VAV1: variants seen among roughly 807,000 people sequenced by gnomAD.
VAV1 encodes vav guanine nucleotide exchange factor 1.
VAV1 carries 33 observed loss-of-function variants against 128.1 expected under a neutral mutation model. That is an observed-to-expected ratio of 0.26 (90% CI 0.20 to 0.34). VAV1 has a LOEUF of 0.34. Ranked by LOEUF, VAV1 falls within the 10% of genes least tolerant of loss-of-function variation. VAV1 has a pLI of 1.00. For synonymous variants in VAV1, 394 were observed against 409.8 expected, an observed-to-expected ratio of 0.96 and a Z score of 0.47; for missense variants, 715 against 1,093.7, an observed-to-expected ratio of 0.65 and a Z score of 4.88.
chr19:6,826,358 A>G lies in VAV1; in HGVS notation c.828-254A>G, dbSNP rs1005023224. Among the ~76,000 whole-genome samples, 1 of 152,206 alleles carries G rather than the reference A, an allele frequency of 6.6e-6. No individual in the cohort carries two copies. Among genetic ancestry groups the G allele is most frequent in the Non-Finnish European group, 1.5e-5 (1 of 68,044 alleles). ...CGTCTCAAAAATAAATAAATTAATTAAATTAAATAAAAATAAATAAACATT... is the reference window on the plus strand; with the variant it reads ...CGTCTCAAAAATAAATAAATTAATTGAATTAAATAAAAATAAATAAACATT... On this transcript the variant is annotated intron_variant, in intron 8 of 26. Coordinates refer to ENST00000602142, the MANE Select transcript of VAV1 (RefSeq NM_005428.4). This position sits in a 1 kb window ranked among gnomAD's most constrained non-coding sequence, Gnocchi z 4.1.
At chr19:6,834,005 T>C in intron 19 of VAV1, 52 bp downstream of exon 19, 1 of 1,611,858 alleles carries the variant, frequency 6.2e-7, no homozygotes, top group Non-Finnish European at 8.5e-7. Context: ...TCATCTCTAT[T>C]GATGTTGACC....
In VAV1 at chr19:6,821,692, C is replaced by G; in HGVS notation, c.380+12C>G. ...AACAGGGGGATCATGTGAGTAACCACCTGGGCCTTGGGCCATTTAGCCCCA... is the reference window on the plus strand; with the variant it reads ...AACAGGGGGATCATGTGAGTAACCAGCTGGGCCTTGGGCCATTTAGCCCCA... On this transcript the variant is annotated intron_variant, in intron 3 of 26. Transcript: ENST00000602142. The G allele has an allele frequency of 6.2e-7, 1 of 1,614,206 alleles. No homozygotes were observed. The highest frequency in any genetic ancestry group is 8.5e-7 in the Non-Finnish European group (1 of 1,180,024).
intron 1 of VAV1, among the ~76,000 whole-genome samples, chr19:6,802,372 C>T (rs1971294905): frequency 6.6e-6 from 1 of 152,042 alleles, no homozygotes; most frequent in Non-Finnish European, 1.5e-5. Flanking sequence ...AAAGGACCTC[C>T]TGTCCTTTGC....
intron 2 of VAV1, among the ~76,000 whole-genome samples, chr19:6,821,398 T>TA (rs942629843): frequency 4.6e-5 from 7 of 151,478 alleles, no homozygotes; most frequent in African/African-American, 1.5e-4. Flanking sequence ...GAGACTCCGT[T>TA]AAAAAAAATA....
chr19:6,836,594 TG>T (rs995731488), intron 20 of VAV1, 26 bp downstream of exon 20: 1 of 1,612,950 alleles, frequency 6.2e-7, no homozygotes, highest in African/African-American at 1.3e-5. Flanking sequence ...ACAAGAGTGA[TG>T]GGGTGGGACC....
chr19:6,834,135 A>G (rs921183412), intron 19 of VAV1, among the ~76,000 whole-genome samples, 182 bp downstream of exon 19: 1 of 150,374 alleles, frequency 6.7e-6, no homozygotes, highest in Non-Finnish European at 1.5e-5. Flanking sequence ...TCAGGTGCAC[A>G]CCACCACGCC....
At chr19:6,852,156 G>A (rs751251885) in intron 24 of VAV1, among the ~76,000 whole-genome samples, 2 of 152,124 alleles carry the variant, frequency 1.3e-5, no homozygotes, top group Non-Finnish European at 2.9e-5. Context: ...TGAGACTACA[G>A]GCATGCACTG....
At chr19:6,852,919 G>T in intron 24 of VAV1, 46 bp from the exon 25 acceptor site, 1 of 1,533,290 alleles carries the variant, frequency 6.5e-7, no homozygotes, top group Non-Finnish European at 9.0e-7. Context: ...GCCCCCTTAT[G>T]GGCTGGCCCG....
chr19:6,822,836 TATAA>T lies in VAV1; in HGVS notation c.654+326_654+329del, dbSNP rs1169066402. 3.4e-5 allele frequency among the ~76,000 whole-genome samples: 5 copies of T among 146,846 alleles called. No homozygotes were observed. The highest frequency in any genetic ancestry group is 1.2e-4 in the African/African-American group (5 of 40,556). On this transcript the variant is annotated intron_variant, in intron 6 of 26. Coordinates refer to ENST00000602142, the MANE Select transcript of VAV1 (RefSeq NM_005428.4). This position sits in a 1 kb window ranked among gnomAD's most constrained non-coding sequence, Gnocchi z 5.9. Reference sequence around the variant, plus strand: ...TAAACATATACATAAATAGAAAATATATAAATATATACAAAGTATATATAAAAAT... The same window carrying T: ...TAAACATATACATAAATAGAAAATATATATATACAAAGTATATATAAAAAT...
intron 1 of VAV1, among the ~76,000 whole-genome samples, chr19:6,798,533 G>C (rs1337893169): frequency 6.6e-6 from 1 of 152,044 alleles, no homozygotes; most frequent in Non-Finnish European, 1.5e-5. Flanking sequence ...TGTGCCTGTA[G>C]TCCCAGCTAC....
chr19:6,825,202 G>C lies in VAV1; in HGVS notation c.723+81G>C, dbSNP rs1267984347. 23 of 1,579,188 alleles carry C rather than the reference G, an allele frequency of 1.5e-5. No individual in the cohort carries two copies. The East Asian group carries it at 5.2e-4, about 35-fold the overall frequency. The stretch of plus-strand genomic sequence containing the variant: ...CCCCTACCTCTCCCTGGAGTACGGG[G>C]GTTGGGAGTTGAGCGGCATGGGGCG... On this transcript the variant is annotated intron_variant, in intron 7 of 26. Coordinates refer to ENST00000602142, the MANE Select transcript of VAV1 (RefSeq NM_005428.4).
At chr19:6,850,874 A>G (rs1367933424) in intron 24 of VAV1, 117 bp downstream of exon 24, 22 of 878,998 alleles carry the variant, frequency 2.5e-5, no homozygotes, top group Non-Finnish European at 3.7e-5. Context: ...CAGTGGCACT[A>G]CAGTGCAAGT....
intron 1 of VAV1, among the ~76,000 whole-genome samples, chr19:6,804,754 T>C (rs929774570): frequency 2.7e-5 from 4 of 148,980 alleles, no homozygotes; most frequent in Admixed American, 2.0e-4. Flanking sequence ...GACGGAGTCT[T>C]GCTCTGTCGC....
intron 1 of VAV1, among the ~76,000 whole-genome samples, chr19:6,806,278 G>A (rs780486477): frequency 1.2e-4 from 19 of 152,104 alleles, no homozygotes; most frequent in Admixed American, 7.9e-4. Flanking sequence ...GTAGAAACGG[G>A]GTTTCACCAT....
intron 1 of VAV1, among the ~76,000 whole-genome samples, chr19:6,801,760 C>T (rs1480414424): frequency 6.6e-6 from 1 of 152,162 alleles, no homozygotes. Context: ...TTCTCCCAGA[C>T]CCCAGAGGCC....
Position 6,828,433 on chromosome 19 carries a change from C to T in VAV1, c.1038C>T (p.His346=). ...YHLLLQELVK[H]TQEAMEKENL... Reference sequence around the variant, plus strand: ...GGTTCTCTCAGGAGCTGGTGAAACACACGCAGGAGGCGATGGAGAAGGAGA... The same window carrying T: ...GGTTCTCTCAGGAGCTGGTGAAACATACGCAGGAGGCGATGGAGAAGGAGA... The change falls in exon 11 of 27, where the codon CAC becomes CAT. Residue 346 remains histidine (H), a synonymous_variant. Transcript: ENST00000602142. The surrounding 1 kb of genome is among the most constrained non-coding windows in gnomAD (Gnocchi z 4.5). 1 of 1,614,160 alleles carries T rather than the reference C, an allele frequency of 6.2e-7. No individual in the cohort carries two copies. Among genetic ancestry groups the T allele is most frequent in the Non-Finnish European group, 8.5e-7 (1 of 1,180,032 alleles).
intron 15 of VAV1, 22 bp from the exon 16 acceptor site, chr19:6,833,162 T>C: frequency 6.3e-7 from 1 of 1,577,738 alleles, no homozygotes; most frequent in Non-Finnish European, 8.6e-7. Context: ...TTTTTTTTTT[T>C]TTTTTAATTT....
intron 1 of VAV1, among the ~76,000 whole-genome samples, chr19:6,787,840 G>T (rs1240605422): frequency 5.9e-5 from 9 of 151,978 alleles, no homozygotes; most frequent in Non-Finnish European, 1.2e-4. Flanking sequence ...ACTTTGGGAG[G>T]CCGAGGCAGG....
chr19:6,780,972 G>C (rs1016644863), intron 1 of VAV1, among the ~76,000 whole-genome samples: 1 of 151,168 alleles, frequency 6.6e-6, no homozygotes, highest in East Asian at 1.9e-4. Flanking sequence ...GCATTGGCAC[G>C]ATCTCTGCTC....
Sources: allele counts gnomAD v4.1 joint callset (sites outside exome capture counted in the v4.1 genomes callset), GRCh38; gene constraint gnomAD v4.1.1; non-coding constraint Gnocchi (gnomAD v3.1); transcripts MANE v1.5; gene names NCBI Gene and HGNC (gene_info 2026-07-23, HGNC 2026-07-21).